C7orf78: variants seen among roughly 807,000 people sequenced by gnomAD.
C7orf78 encodes the protein chromosome 7 open reading frame 78.
At chr7:12,515,940 G>GC in the C7orf78 span, among the ~76,000 whole-genome samples, 1 of 152,172 alleles carries the variant, frequency 6.6e-6, no homozygotes, top group Non-Finnish European at 1.5e-5. Context: ...TAAAAGTTCA[G>GC]AAAATTTGCA....
chr7:12,541,596 T>C, the C7orf78 span: 31 of 151,394 alleles, frequency 2.0e-4, no homozygotes, highest in Admixed American at 5.9e-4. Context: ...TTCCTAGAAA[T>C]AGATTTTATT....
the C7orf78 span, among the ~76,000 whole-genome samples, chr7:12,522,646 A>T: frequency 6.6e-6 from 1 of 152,108 alleles, no homozygotes; most frequent in African/African-American, 2.4e-5. Context: ...TGCTTCTCAT[A>T]ATACTTGCAA....
At chr7:12,499,056 G>T in the C7orf78 span, among the ~76,000 whole-genome samples, 1 of 151,914 alleles carries the variant, frequency 6.6e-6, no homozygotes, top group Non-Finnish European at 1.5e-5. Context: ...TCACCACCAG[G>T]CCTGCCCTAA....
the C7orf78 span, chr7:12,541,773 T>C: frequency 6.6e-6 from 1 of 152,170 alleles, no homozygotes; most frequent in Non-Finnish European, 1.5e-5. Flanking sequence ...GTTTATGGCA[T>C]ATTGAAATCA....
chr7:12,500,511 T>A, the C7orf78 span, among the ~76,000 whole-genome samples: 1 of 148,942 alleles, frequency 6.7e-6, no homozygotes, highest in Non-Finnish European at 1.5e-5. Context: ...ACACATACAC[T>A]CTCCCAAGAC....
chr7:12,519,965 C>G, the C7orf78 span, among the ~76,000 whole-genome samples: 1 of 152,216 alleles, frequency 6.6e-6, no homozygotes, highest in African/African-American at 2.4e-5. Context: ...AGTGCATTTT[C>G]TATCTGGTAC....
At chr7:12,520,914 T>C in the C7orf78 span, among the ~76,000 whole-genome samples, 14 of 152,340 alleles carry the variant, frequency 9.2e-5, no homozygotes, top group East Asian at 2.7e-3. Flanking sequence ...GATGCACATA[T>C]ATTTGCTATT....
chr7:12,541,575 G>A, the C7orf78 span: 1 of 151,638 alleles, frequency 6.6e-6, no homozygotes, highest in Non-Finnish European at 1.5e-5. Flanking sequence ...GTTCTTCTAC[G>A]GTTTAAATTG....
chr7:12,524,368 A>G, the C7orf78 span, among the ~76,000 whole-genome samples: 4 of 152,190 alleles, frequency 2.6e-5, no homozygotes. Context: ...ACAGGGAGCT[A>G]TAGTCAATAA....
chr7:12,528,353 A>T, the C7orf78 span, among the ~76,000 whole-genome samples: 1 of 151,570 alleles, frequency 6.6e-6, no homozygotes, highest in Non-Finnish European at 1.5e-5. Context: ...TTGAAATGGA[A>T]CATGTCAGCT....
chr7:12,535,894 G>A, the C7orf78 span, among the ~76,000 whole-genome samples: 1 of 152,222 alleles, frequency 6.6e-6, no homozygotes, highest in African/African-American at 2.4e-5. Context: ...TCCAGGTCAT[G>A]CTGACACAAG....
the C7orf78 span, among the ~76,000 whole-genome samples, chr7:12,524,882 T>C: frequency 6.6e-6 from 1 of 152,178 alleles, no homozygotes; most frequent in East Asian, 1.9e-4. Flanking sequence ...AAAACTTGAG[T>C]AAATAAAATT....
chr7:12,495,408 G>A, the C7orf78 span, among the ~76,000 whole-genome samples: 13 of 152,128 alleles, frequency 8.5e-5, no homozygotes, highest in Non-Finnish European at 5.9e-5. Flanking sequence ...ATTTCCCACT[G>A]CCAGTCGTCT....
the C7orf78 span, among the ~76,000 whole-genome samples, chr7:12,490,626 G>T: frequency 6.6e-6 from 1 of 152,046 alleles, no homozygotes; most frequent in African/African-American, 2.4e-5. Context: ...GTGTGCCGGG[G>T]AAAGAGCTAT....
the C7orf78 span, among the ~76,000 whole-genome samples, chr7:12,503,460 A>G: frequency 6.6e-6 from 1 of 152,066 alleles, no homozygotes; most frequent in African/African-American, 2.4e-5. Flanking sequence ...CTTCAAAACA[A>G]TATGGGAAGG....
At chr7:12,533,116 G>A in the C7orf78 span, among the ~76,000 whole-genome samples, 63,340 of 152,070 alleles carry the variant, frequency 0.42, 13,826 homozygotes, top group Admixed American at 0.47. Flanking sequence ...TAACTGATGT[G>A]CTTGAGCTTG....
chr7:12,528,065 G>C, the C7orf78 span, among the ~76,000 whole-genome samples: 2 of 148,776 alleles, frequency 1.3e-5, no homozygotes, highest in African/African-American at 2.5e-5. Flanking sequence ...TATATGCTGT[G>C]TGTCACTCAC....
the C7orf78 span, chr7:12,530,909 C>T: frequency 5.1e-6 from 2 of 395,330 alleles, no homozygotes; most frequent in Non-Finnish European, 8.9e-6. Flanking sequence ...AATACAGATA[C>T]ACTTTTAAAG....
At chr7:12,488,426 A>G in the C7orf78 span, among the ~76,000 whole-genome samples, 2 of 152,116 alleles carry the variant, frequency 1.3e-5, no homozygotes, top group Non-Finnish European at 2.9e-5. Context: ...ATGCAAATAC[A>G]AACTAACTAA....
Sources: gnomAD v4.1 joint callset for allele counts (sites outside exome capture counted in the v4.1 genomes callset) on GRCh38, gnomAD v4.1.1 for gene constraint, MANE v1.5 for transcripts, NCBI Gene and HGNC (gene_info 2026-07-23, HGNC 2026-07-21) for gene names.